Variants in PTPN14 observed in about 807,000 individuals in gnomAD.
PTPN14 encodes tyrosine-protein phosphatase non-receptor type 14.
PTPN14 carries 53 observed loss-of-function variants against 126.8 expected under a neutral mutation model. The observed-to-expected ratio is 0.42, with a 90% confidence interval of 0.34 to 0.53. The LOEUF is 0.53. Ranked by LOEUF, PTPN14 falls within the 20% of genes least tolerant of loss-of-function variation. The pLI, the probability that PTPN14 is intolerant of heterozygous loss-of-function variation, is 0.08. For synonymous variants in PTPN14, 630 were observed against 599.3 expected (o/e 1.05, Z -0.75); for missense variants, 1,257 against 1,552.9 (o/e 0.81, Z 3.20).
At chr1:214,438,978 T>A (rs927753059) in intron 3 of PTPN14, among the ~76,000 whole-genome samples, 10 of 152,242 alleles carry the variant, frequency 6.6e-5, no homozygotes, top group African/African-American at 1.9e-4. Flanking sequence ...TTGGGGAGTT[T>A]ACAGAGCCTG....
rs1412318782 is a variant in PTPN14 at position 214,451,972 on chromosome 1, C to T, written c.177G>A (p.Thr59=). ...AVAQRLELRE[T]HYFGLWFLSK... The stretch of plus-strand genomic sequence containing the variant: ...TGAGAAACCAAAGGCCAAAGTAGTG[C>T]GTCTAGATAAAAGGGTAAAATAGCA... Residue 59 remains threonine, a splice_region_variant and synonymous_variant, in exon 3 of 19, where the codon ACG becomes ACA. Coordinates refer to ENST00000366956, the MANE Select transcript of PTPN14 (RefSeq NM_005401.5). 16 of 1,612,922 alleles carry T rather than the reference C, an allele frequency of 9.9e-6. No individual in the cohort carries two copies. Among genetic ancestry groups the T allele is most frequent in the South Asian group, 5.5e-5 (5 of 90,880 alleles).
intron 5 of PTPN14, among the ~76,000 whole-genome samples, chr1:214,403,669 G>A (rs1659091814): frequency 6.6e-6 from 1 of 152,308 alleles, no homozygotes; most frequent in Non-Finnish European, 1.5e-5. Flanking sequence ...CACAGAAATA[G>A]GCTTGCTAAA....
chr1:214,512,723 G>T (rs1012306848), intron 1 of PTPN14, among the ~76,000 whole-genome samples: 1 of 152,036 alleles, frequency 6.6e-6, no homozygotes, highest in East Asian at 1.9e-4. Context: ...ACAGCATCTC[G>T]CTCTGTTGCC....
intron 1 of PTPN14, 68 bp from the exon 2 acceptor site, chr1:214,465,025 A>G (rs1340709077): frequency 1.7e-5 from 7 of 423,352 alleles, no homozygotes; most frequent in Non-Finnish European, 2.9e-5. Flanking sequence ...CATATTCCAC[A>G]CACACAGAAG....
In PTPN14 at chr1:214,350,032, A is replaced by C. The variant is rs1657672363; in HGVS notation, c.*7890T>G. Reference sequence around the variant, plus strand: ...CCAAGCCACAAAAAGATCCCAATCCAATCTTTTCAGCTTTATCCTCTAAAA... The same window carrying C: ...CCAAGCCACAAAAAGATCCCAATCCCATCTTTTCAGCTTTATCCTCTAAAA... On this transcript the variant is annotated 3_prime_UTR_variant, in exon 19 of 19. Coordinates refer to ENST00000366956, the MANE Select transcript of PTPN14 (RefSeq NM_005401.5). The C allele has an allele frequency of 6.6e-6, 1 of 152,242 alleles. No individual in the cohort carries two copies. Among genetic ancestry groups the C allele is most frequent in the African/African-American group, 2.4e-5 (1 of 41,460 alleles). 9.4% of individuals were successfully genotyped at this position (152,242 alleles called of 1,614,324 possible).
intron 1 of PTPN14, among the ~76,000 whole-genome samples, chr1:214,543,133 G>C (rs1328780110): frequency 6.6e-6 from 1 of 152,122 alleles, no homozygotes; most frequent in Non-Finnish European, 1.5e-5. Context: ...TTGAATAATG[G>C]GGTATTCTGC....
chr1:214,493,388 C>A (rs887041597), intron 1 of PTPN14, among the ~76,000 whole-genome samples: 2 of 152,148 alleles, frequency 1.3e-5, no homozygotes, highest in East Asian at 3.8e-4. Flanking sequence ...TCCCACCAAC[C>A]ATGTACAAGA....
chr1:214,394,057 G>A (rs928402381), intron 9 of PTPN14, among the ~76,000 whole-genome samples: 3 of 152,156 alleles, frequency 2.0e-5, no homozygotes, highest in Non-Finnish European at 4.4e-5. Flanking sequence ...TGTAATTTCC[G>A]ACCAAGTGCT....
chr1:214,532,529 G>A (rs1655579325), intron 1 of PTPN14: 2 of 1,009,066 alleles, frequency 2.0e-6, no homozygotes, highest in Non-Finnish European at 3.2e-6. Context: ...GGGAGCACCT[G>A]GAGAAGAAGG....
At chr1:214,542,377 TGC>T in intron 1 of PTPN14, among the ~76,000 whole-genome samples, 2 of 152,300 alleles carry the variant, frequency 1.3e-5, no homozygotes, top group East Asian at 3.9e-4. Flanking sequence ...CACAAAGTGG[TGC>T]CACAACAGGT....
chr1:214,384,263 C>T lies in PTPN14; in HGVS notation c.1592G>A (p.Ser531Asn). ...GGTGCTCACCGTGTGCGAGATGGCG[C>T]TTGCCCCCGGCTTGCTTGGTACCAC... ...NNVVPSKPGA[S>N]AISHTVSTPE... is the part of the protein sequence containing the mutation. Residue 531 changes from serine to asparagine, a missense_variant, in exon 13 of 19, where the codon AGC becomes AAC. Physicochemically the swap from Ser to Asn is conservative, Grantham distance 46. Around this residue, in one of 3 missense-constraint regions of PTPN14, gnomAD observed 1,021 missense variants for 1,183.3 expected, o/e 0.86. Coordinates refer to ENST00000366956, the MANE Select transcript of PTPN14 (RefSeq NM_005401.5). This position sits in a 1 kb window ranked among gnomAD's most constrained non-coding sequence, Gnocchi z 5.3. The T allele has an allele frequency of 6.2e-7, 1 of 1,614,162 alleles. No individual in the cohort carries two copies. Among genetic ancestry groups the T allele is most frequent in the Non-Finnish European group, 8.5e-7 (1 of 1,180,034 alleles).
Position 214,431,278 on chromosome 1 carries a change from T to C in PTPN14, c.345-16552A>G, listed in dbSNP as rs12042346. ...AAGGAAAATGATGAAAGCAATCCTT[T>C]AGAAGGATGCTTTAGAGTTGGTATG... On this transcript the variant is annotated intron_variant, in intron 3 of 18. Coordinates refer to ENST00000366956, the MANE Select transcript of PTPN14 (RefSeq NM_005401.5). Among the ~76,000 whole-genome samples, 22 of 152,322 alleles carry C rather than the reference T, an allele frequency of 1.4e-4. No individual in the cohort carries two copies. The East Asian group carries it at 4.2e-3, about 29-fold the overall frequency.
chr1:214,537,732 C>T (rs551154304), intron 1 of PTPN14, among the ~76,000 whole-genome samples: 1 of 152,288 alleles, frequency 6.6e-6, no homozygotes, highest in East Asian at 1.9e-4. Context: ...TTCCTTCAGT[C>T]CTCTTAGGCA....
In PTPN14 at chr1:214,358,015, CCT is replaced by C. The variant is rs1553258083; in HGVS notation, c.3469_3470del (p.Arg1157GlyfsTer72). On this transcript the variant is annotated frameshift_variant, in exon 19 of 19. Coordinates refer to ENST00000366956, the MANE Select transcript of PTPN14 (RefSeq NM_005401.5). LOFTEE classifies it high-confidence loss of function. ...VEVPMMLRLL[R>X]EQRMFMIQTI... is the part of the protein sequence containing the mutation. ...TCTGGATCATGAACATCCTCTGCTC[CCT>C]GAGGAGCCTCAGCATCATGGGCACT... 6.2e-7 allele frequency: 1 copy of C among 1,613,614 alleles called. No homozygotes were observed.
chr1:214,385,875 G>A (rs1473018905), intron 12 of PTPN14, among the ~76,000 whole-genome samples: 15 of 151,974 alleles, frequency 9.9e-5, no homozygotes. Context: ...ATAGAAATGT[G>A]GTAACTTTGC....
chr1:214,367,542 A>G (rs1311557538), intron 17 of PTPN14, among the ~76,000 whole-genome samples: 2 of 152,190 alleles, frequency 1.3e-5, no homozygotes, highest in Non-Finnish European at 2.9e-5. Context: ...TACCAAAATA[A>G]AATCAAGGTT....
intron 1 of PTPN14, among the ~76,000 whole-genome samples, chr1:214,543,218 T>A (rs1342330844): frequency 6.6e-6 from 1 of 152,186 alleles, no homozygotes; most frequent in Non-Finnish European, 1.5e-5. Flanking sequence ...AATCGGTAAA[T>A]CCAAACCTGA....
chr1:214,515,629 C>A (rs917554739), intron 1 of PTPN14, among the ~76,000 whole-genome samples: 1 of 152,118 alleles, frequency 6.6e-6, no homozygotes, highest in Non-Finnish European at 1.5e-5. Flanking sequence ...TCTGATATTT[C>A]TGTCATTGAC....
intron 14 of PTPN14, among the ~76,000 whole-genome samples, chr1:214,377,560 G>A (rs986043124): frequency 1.3e-5 from 2 of 152,116 alleles, no homozygotes; most frequent in African/African-American, 4.8e-5. Context: ...AAAAATAAAT[G>A]CTTGGATAAA....
Sources: allele counts gnomAD v4.1 joint callset (sites outside exome capture counted in the v4.1 genomes callset), GRCh38; gene constraint gnomAD v4.1.1; regional missense constraint gnomAD v4.1.1; non-coding constraint Gnocchi (gnomAD v3.1); transcripts MANE v1.5; gene names NCBI Gene and HGNC (gene_info 2026-07-23, HGNC 2026-07-21).